SUPT20H: variants seen among roughly 807,000 people sequenced by gnomAD.
The protein encoded by SUPT20H is transcription factor SPT20 homolog.
A neutral mutation model predicts 122.8 loss-of-function variants in SUPT20H; 82 were observed. The observed-to-expected ratio is 0.67, with a 90% CI of 0.56 to 0.80. The LOEUF is 0.80. Ranked by LOEUF, SUPT20H falls within the 30% of genes least tolerant of loss-of-function variation. SUPT20H has a pLI of 0.00. For synonymous variants in SUPT20H, 291 were observed against 313.0 expected, an observed-to-expected ratio of 0.93 and a Z score of 0.74; for missense variants, 831 against 921.6, an observed-to-expected ratio of 0.90 and a Z score of 1.27.
chr13:37,035,650 GC>G (rs1594279735), intron 9 of SUPT20H, among the ~76,000 whole-genome samples: 2 of 152,046 alleles, frequency 1.3e-5, no homozygotes, highest in East Asian at 3.9e-4. Context: ...CTCGGCCTAA[GC>G]CTCCCGAGTA....
chr13:37,055,155 G>A (rs2068648013), intron 1 of SUPT20H, among the ~76,000 whole-genome samples: 1 of 152,186 alleles, frequency 6.6e-6, no homozygotes, highest in Non-Finnish European at 1.5e-5. Context: ...ATGCTTATGA[G>A]TAGGAAGAAT....
At chr13:37,049,681 G>C (rs1365307017) in intron 2 of SUPT20H, among the ~76,000 whole-genome samples, 1 of 152,184 alleles carries the variant, frequency 6.6e-6, no homozygotes, top group South Asian at 2.1e-4. Flanking sequence ...AGAGGTTGCA[G>C]TGAGCCCAGA....
At chr13:37,019,259 G>A in intron 22 of SUPT20H, 83 bp downstream of exon 22, 1 of 989,402 alleles carries the variant, frequency 1.0e-6, no homozygotes, top group Non-Finnish European at 1.5e-6. Flanking sequence ...AGAATTTCAA[G>A]TGCTGATACA....
intron 23 of SUPT20H, among the ~76,000 whole-genome samples, chr13:37,014,445 TG>T (rs2060099292): frequency 6.6e-6 from 1 of 152,112 alleles, no homozygotes; most frequent in South Asian, 2.1e-4. Context: ...CAGCCATATA[TG>T]GAGTATTCAT....
chr13:37,048,002 T>C (rs2139032469), intron 3 of SUPT20H, 66 bp from the exon 4 acceptor site: 1 of 1,274,400 alleles, frequency 7.8e-7, no homozygotes, highest in East Asian at 2.4e-5. Flanking sequence ...CTGTATTGAG[T>C]ATATCTAAAA....
intron 9 of SUPT20H, chr13:37,039,849 T>C (rs977306511): frequency 1.3e-5 from 2 of 152,188 alleles, no homozygotes; most frequent in Non-Finnish European, 2.9e-5. Flanking sequence ...TTTACAAGCA[T>C]CTTGAACTTG....
chr13:37,059,436 G>C (rs2070137184), intron 1 of SUPT20H, 123 bp downstream of exon 1: 1 of 152,294 alleles, frequency 6.6e-6, no homozygotes, highest in Admixed American at 6.5e-5. Flanking sequence ...GGTCTCTGGG[G>C]ACCCCGTCTT....
chr13:37,047,516 A>G lies in SUPT20H; in HGVS notation c.165+19T>C, dbSNP rs1303417158. ...TTCTACATTTCAAAAGCTACAACAT[A>G]ATAAAAATGTATACTTACCTTAACT... On this transcript the variant is annotated intron_variant, in intron 5 of 25. Transcript: ENST00000350612. 7.0e-7 allele frequency: 1 copy of G among 1,428,846 alleles called. No individual in the cohort carries two copies. Among genetic ancestry groups the G allele is most frequent in the Admixed American group, 2.9e-5 (1 of 34,302 alleles). The allele number at this position is 1,428,846 out of a possible 1,614,324, so 88.5% of individuals were successfully genotyped here.
intron 1 of SUPT20H, among the ~76,000 whole-genome samples, chr13:37,052,911 A>G (rs576841622): frequency 9.8e-5 from 15 of 152,340 alleles, no homozygotes; most frequent in African/African-American, 3.1e-4. Flanking sequence ...TGCGGCCAAC[A>G]TATGAAAAAA....
chr13:37,018,224 C>T (rs1489043150), intron 22 of SUPT20H, among the ~76,000 whole-genome samples: 1 of 152,160 alleles, frequency 6.6e-6, no homozygotes, highest in Non-Finnish European at 1.5e-5. Flanking sequence ...AATGTTCCTT[C>T]CTCAATCAGT....
chr13:37,043,189 T>C (rs1322240615), intron 7 of SUPT20H, among the ~76,000 whole-genome samples: 1 of 152,156 alleles, frequency 6.6e-6, no homozygotes, highest in East Asian at 1.9e-4. Flanking sequence ...GTGGAGGGGA[T>C]GGATGTCTAT....
intron 24 of SUPT20H, 104 bp from the exon 25 acceptor site, chr13:37,010,759 A>G: frequency 1.3e-6 from 1 of 761,266 alleles, no homozygotes; most frequent in Middle Eastern, 2.8e-4. Context: ...AGTTAGCAGT[A>G]TGATTAATCT....
chr13:37,015,035 G>A (rs2139172227), intron 23 of SUPT20H, among the ~76,000 whole-genome samples: 1 of 152,150 alleles, frequency 6.6e-6, no homozygotes, highest in Admixed American at 6.5e-5. Flanking sequence ...TAAATTTAAA[G>A]GAGACCTAAA....
rs573063757 is a variant in SUPT20H, at chr13:37,052,903, C to T, written c.-93-1320G>A. Among the ~76,000 whole-genome samples the T allele has an allele frequency of 2.5e-4, 38 of 152,246 alleles. 1 individual carries two copies. Among genetic ancestry groups the T allele is most frequent in the African/African-American group, 8.7e-4 (36 of 41,544 alleles). ...CACTTCTCAAAAGAAGACATTTATG[C>T]GGCCAACATATGAAAAAAAGCTCAT... On this transcript the variant is annotated intron_variant, in intron 1 of 25. Transcript: ENST00000350612.
intron 5 of SUPT20H, among the ~76,000 whole-genome samples, chr13:37,046,434 T>C (rs1164153360): frequency 2.0e-5 from 3 of 152,206 alleles, no homozygotes; most frequent in Non-Finnish European, 4.4e-5. Context: ...TCTTTCTTAA[T>C]GGGCCAGATA....
intron 22 of SUPT20H, 37 bp from the exon 23 acceptor site, chr13:37,017,401 A>T (rs201689787): frequency 3.9e-6 from 6 of 1,553,614 alleles, no homozygotes; most frequent in Non-Finnish European, 5.2e-6. Flanking sequence ...CCAATTTCAC[A>T]TGATTTTATA....
chr13:37,025,293 C>T (rs372537880), intron 17 of SUPT20H, 27 bp downstream of exon 17: 9 of 1,536,358 alleles, frequency 5.9e-6, no homozygotes, highest in African/African-American at 2.7e-5. Context: ...CAACTGGGCA[C>T]AAAGAAGTAA....
At chr13:37,033,693 C>T in intron 9 of SUPT20H, 105 bp from the exon 10 acceptor site, 1 of 1,254,194 alleles carries the variant, frequency 8.0e-7, no homozygotes, top group Non-Finnish European at 1.1e-6. Context: ...CTGCTAAGGA[C>T]TACAGTAAAA....
chr13:37,052,366 A>G (rs1369781119), intron 1 of SUPT20H, among the ~76,000 whole-genome samples: 1 of 152,034 alleles, frequency 6.6e-6, no homozygotes, highest in Non-Finnish European at 1.5e-5. Flanking sequence ...CAGAAATAAC[A>G]CCACACATCT....
Sources: gnomAD v4.1 joint callset for allele counts (sites outside exome capture counted in the v4.1 genomes callset) on GRCh38, gnomAD v4.1.1 for gene constraint, MANE v1.5 for transcripts, NCBI Gene and HGNC (gene_info 2026-07-23, HGNC 2026-07-21) for gene names.